TFEC: variants seen among roughly 807,000 people sequenced by gnomAD.
TFEC encodes the protein transcription factor EC, also known as class E basic helix-loop-helix protein 34.
TFEC carries 31 observed loss-of-function variants against 41.6 expected under a neutral mutation model. The ratio of observed to expected loss-of-function variants is 0.74; its 90% CI spans 0.56 to 1.01. The LOEUF is 1.01. Among genes scored for constraint, TFEC ranks in the 50% least tolerant of loss-of-function variants. The probability of loss-of-function intolerance (pLI) is 0.00; values close to 1 mark genes in which losing one functional copy is unlikely to be tolerated. For synonymous variants in TFEC, 143 were observed against 140.6 expected (o/e 1.02, Z -0.12); for missense variants, 402 against 404.1 (o/e 0.99, Z 0.04).
At chr7:116,127,738 CTT>C (rs1159628410) in intron 1 of TFEC, among the ~76,000 whole-genome samples, 1 of 148,552 alleles carries the variant, frequency 6.7e-6, no homozygotes, top group Non-Finnish European at 1.5e-5. Flanking sequence ...AAAAAGGCAA[CTT>C]ATGTGAAAGA....
intron 1 of TFEC, among the ~76,000 whole-genome samples, chr7:116,126,682 A>G (rs1798216035): frequency 6.6e-6 from 1 of 152,214 alleles, no homozygotes; most frequent in Non-Finnish European, 1.5e-5. Flanking sequence ...ACATATTCAA[A>G]AAGGTGACAT....
chr7:116,107,203 C>G lies in TFEC; in HGVS notation c.198+3505G>C, dbSNP rs142673483. ...TATAGCCACAAATTGAGATAACTGC[C>G]TGGCTTATGCAATTACTTGGAGGCC... On this transcript the variant is annotated intron_variant, in intron 3 of 8. Coordinates refer to the TFEC transcript ENST00000484212. 8.6e-3 allele frequency among the ~76,000 whole-genome samples: 1,315 copies of G among 152,228 alleles called. 10 individuals are homozygous for G. The highest frequency in any genetic ancestry group is 0.027 in the Middle Eastern group (8 of 294).
intron 1 of TFEC, among the ~76,000 whole-genome samples, chr7:116,138,869 C>T (rs771408819): frequency 2.4e-4 from 37 of 152,160 alleles, no homozygotes; most frequent in Non-Finnish European, 3.5e-4. Flanking sequence ...GGTCACCCAA[C>T]GTGTCCCCTC....
At chr7:115,973,503 T>A (rs183240800) in intron 3 of TFEC, among the ~76,000 whole-genome samples, 13 of 152,138 alleles carry the variant, frequency 8.5e-5, no homozygotes, top group Admixed American at 3.9e-4. Flanking sequence ...TCAAAATATG[T>A]TGAAAGAGCT....
intron 1 of TFEC, among the ~76,000 whole-genome samples, chr7:115,997,789 T>G (rs1482625807): frequency 3.3e-5 from 5 of 152,186 alleles, no homozygotes; most frequent in Non-Finnish European, 7.4e-5. Flanking sequence ...TTCTGGAGGT[T>G]AAAAGTTCAA....
rs1793382930 is a variant in TFEC at position 115,939,482 on chromosome 7, GAA to G, written c.*1067_*1068del. On this transcript the variant is annotated 3_prime_UTR_variant, in exon 8 of 8. Transcript: ENST00000265440. ...TTCCTCTCAGAACTGAAAATAATAAGAAATAGTTTGTTGTAATAATTATTTTG... is the reference window on the plus strand; with the variant it reads ...TTCCTCTCAGAACTGAAAATAATAAGATAGTTTGTTGTAATAATTATTTTG... 6.6e-6 allele frequency: 1 copy of G among 151,946 alleles called. No individual in the cohort carries two copies. The highest frequency in any genetic ancestry group is 2.1e-4 in the South Asian group (1 of 4,820). The allele number at this position is 151,946 out of a possible 1,614,324, so 9.4% of individuals were successfully genotyped here.
At chr7:116,092,968 T>C (rs1263073692) in intron 3 of TFEC, among the ~76,000 whole-genome samples, 3 of 152,146 alleles carry the variant, frequency 2.0e-5, no homozygotes, top group Non-Finnish European at 4.4e-5. Context: ...TAAGTGCCCT[T>C]ACAACAATTT....
At chr7:116,150,306 T>G (rs1798734386) in intron 1 of TFEC, among the ~76,000 whole-genome samples, 2 of 152,144 alleles carry the variant, frequency 1.3e-5, no homozygotes, top group Admixed American at 1.3e-4. Context: ...GTGCCCATTC[T>G]CAACTTCACT....
At chr7:115,954,748 A>C in intron 4 of TFEC, 106 bp from the exon 5 acceptor site, 2 of 791,722 alleles carry the variant, frequency 2.5e-6, no homozygotes, top group Non-Finnish European at 3.9e-6. Context: ...TATTTGCTCC[A>C]AAACGGTACA....
At chr7:116,047,863 G>C (rs376717630) in intron 3 of TFEC, among the ~76,000 whole-genome samples, 3 of 152,160 alleles carry the variant, frequency 2.0e-5, no homozygotes, top group East Asian at 3.9e-4. Context: ...GGTGATACCA[G>C]GCAAACAGGG....
At chr7:116,090,487 C>G (rs533365779) in intron 3 of TFEC, among the ~76,000 whole-genome samples, 3 of 151,984 alleles carry the variant, frequency 2.0e-5, no homozygotes, top group Non-Finnish European at 2.9e-5. Context: ...ATTCTTCATT[C>G]GAGACGCCAA....
At chr7:116,072,704 T>A (rs975817124) in intron 3 of TFEC, among the ~76,000 whole-genome samples, 1 of 151,574 alleles carries the variant, frequency 6.6e-6, no homozygotes, top group Admixed American at 6.6e-5. Context: ...AAATATCAAC[T>A]TATAAAACCA....
At chr7:116,027,955 G>A (rs938513007) in intron 1 of TFEC, among the ~76,000 whole-genome samples, 10 of 151,986 alleles carry the variant, frequency 6.6e-5, no homozygotes, top group Admixed American at 2.6e-4. Context: ...GAAACCTAAC[G>A]GGTCTTTAAG....
At chr7:116,124,547 A>G (rs1182919256) in intron 1 of TFEC, among the ~76,000 whole-genome samples, 1 of 152,162 alleles carries the variant, frequency 6.6e-6, no homozygotes, top group African/African-American at 2.4e-5. Context: ...AAAATATTAA[A>G]TAATCTACTC....
chr7:116,158,458 G>A (rs1298074154), intron 1 of TFEC, among the ~76,000 whole-genome samples: 2 of 151,998 alleles, frequency 1.3e-5, no homozygotes, highest in African/African-American at 4.8e-5. Context: ...TCAGCTTTAC[G>A]TAATTTAAGC....
At chr7:116,142,977 G>T (rs1378212290) in intron 1 of TFEC, among the ~76,000 whole-genome samples, 2 of 152,158 alleles carry the variant, frequency 1.3e-5, no homozygotes, top group Non-Finnish European at 2.9e-5. Context: ...GGTTGTTGAG[G>T]TAAAGCCTGC....
intron 1 of TFEC, among the ~76,000 whole-genome samples, chr7:116,149,723 C>CT (rs1798721536): frequency 1.3e-5 from 2 of 152,038 alleles, no homozygotes; most frequent in African/African-American, 4.8e-5. Flanking sequence ...AAAATAATAA[C>CT]TCATGAAAAA....
At chr7:116,046,892 T>G (rs1176114797) in intron 3 of TFEC, among the ~76,000 whole-genome samples, 1 of 152,246 alleles carries the variant, frequency 6.6e-6, no homozygotes, top group Non-Finnish European at 1.5e-5. Context: ...AGAGGTGAGC[T>G]GTAACACAAT....
intron 1 of TFEC, among the ~76,000 whole-genome samples, chr7:116,144,563 T>G (rs1798604994): frequency 6.6e-6 from 1 of 152,086 alleles, no homozygotes. Context: ...TTGCCCAAGG[T>G]GGTCTCAAAC....
Sources: allele counts gnomAD v4.1 joint callset (sites outside exome capture counted in the v4.1 genomes callset), GRCh38; gene constraint gnomAD v4.1.1; transcripts MANE v1.5; gene names NCBI Gene and HGNC (gene_info 2026-07-23, HGNC 2026-07-21).